FANCB: variants seen among roughly 807,000 people sequenced by gnomAD.
FANCB encodes the protein Fanconi anemia group B protein.
FANCB carries 5 observed loss-of-function variants against 38.9 expected under a neutral mutation model. The ratio of observed to expected loss-of-function variants is 0.13; its 90% CI spans 0.07 to 0.27. The LOEUF is 0.27. Among genes scored for constraint, FANCB ranks in the 10% least tolerant of loss-of-function variants. The probability of loss-of-function intolerance (pLI) is 1.00; values close to 1 mark genes in which losing one functional copy is unlikely to be tolerated. For synonymous variants in FANCB, 236 were observed against 215.4 expected, an observed-to-expected ratio of 1.10 and a Z score of -0.84; for missense variants, 573 against 602.7, an observed-to-expected ratio of 0.95 and a Z score of 0.52.
chrX:14,758,097 C>T, the FANCB span, among the ~76,000 whole-genome samples: 3 of 110,965 alleles, frequency 2.7e-5, no homozygotes, highest in Middle Eastern at 4.2e-3. Flanking sequence ...CCCCCATTTC[C>T]GCGGTACAGC....
intron 1 of FANCB, among the ~76,000 whole-genome samples, chrX:14,872,648 A>ACACCCCCC (rs1312480370): frequency 3.1e-5 from 1 of 32,672 alleles, no homozygotes; most frequent in Non-Finnish European, 5.8e-5. Context: ...CCCCCCACAC[A>ACACCCCCC]CACCCCCCCA....
the FANCB span, among the ~76,000 whole-genome samples, chrX:14,753,765 A>G: frequency 8.9e-6 from 1 of 111,768 alleles, no homozygotes; most frequent in African/African-American, 3.2e-5. Context: ...TTAATGTCCT[A>G]TTCGCCAAAG....
chrX:14,844,806 A>T (rs1569083396), intron 8 of FANCB, 50 bp downstream of exon 8: 3 of 1,159,161 alleles, frequency 2.6e-6, no homozygotes, highest in Non-Finnish European at 3.5e-6. Flanking sequence ...GAATTCTTAA[A>T]ATTTTCTAAT....
chrX:14,813,880 C>A, the FANCB span, among the ~76,000 whole-genome samples: 1 of 111,423 alleles, frequency 9.0e-6, no homozygotes, highest in Non-Finnish European at 1.9e-5. Flanking sequence ...CAATCCTAAG[C>A]CAAAAGAACA....
chrX:14,804,401 G>A, the FANCB span, among the ~76,000 whole-genome samples: 2 of 111,448 alleles, frequency 1.8e-5, no homozygotes, highest in African/African-American at 6.5e-5. Context: ...ACCAAACACC[G>A]CATGTTCTCA....
At chrX:14,795,798 G>T in the FANCB span, among the ~76,000 whole-genome samples, 2 of 111,846 alleles carry the variant, frequency 1.8e-5, no homozygotes, top group African/African-American at 6.5e-5. Context: ...AGCTGGAAAG[G>T]CAATTCTGAG....
chrX:14,701,562 C>T, the FANCB span, among the ~76,000 whole-genome samples: 11 of 110,160 alleles, frequency 1.0e-4, no homozygotes, highest in East Asian at 1.1e-3. Context: ...ATATGAATCA[C>T]GTGATGGTCC....
At chrX:14,815,819 A>G in the FANCB span, among the ~76,000 whole-genome samples, 1 of 112,419 alleles carries the variant, frequency 8.9e-6, no homozygotes, top group Admixed American at 9.4e-5. Flanking sequence ...ACCATGGAAT[A>G]CTACTCAGAC....
At chrX:14,796,541 T>A in the FANCB span, among the ~76,000 whole-genome samples, 20 of 98,826 alleles carry the variant, frequency 2.0e-4, no homozygotes, top group African/African-American at 6.9e-4. Context: ...ATTATATATG[T>A]TATATATAAT....
the FANCB span, among the ~76,000 whole-genome samples, chrX:14,795,107 G>A: frequency 1.8e-5 from 2 of 112,060 alleles, no homozygotes; most frequent in Non-Finnish European, 3.8e-5. Flanking sequence ...AGGCTGTCAA[G>A]TGGTCATTAG....
At chrX:14,849,099 A>G (rs2092389962) in intron 7 of FANCB, among the ~76,000 whole-genome samples, 2 of 112,081 alleles carry the variant, frequency 1.8e-5, no homozygotes, top group African/African-American at 6.5e-5. Context: ...ATTCATTTAT[A>G]AACTAGTATA....
chrX:14,863,721 C>T (rs1309127503), intron 3 of FANCB, among the ~76,000 whole-genome samples: 2 of 112,473 alleles, frequency 1.8e-5, no homozygotes, highest in African/African-American at 6.5e-5. Flanking sequence ...AAAAGTAATG[C>T]TTACCACTTG....
At chrX:14,831,233 C>A (rs1221945005), downstream of FANCB, among the ~76,000 whole-genome samples, 2 of 112,306 alleles carry the variant, frequency 1.8e-5, no homozygotes, top group Non-Finnish European at 3.8e-5. Flanking sequence ...ATGTGCAAAG[C>A]ATTATGTTAG....
the FANCB span, among the ~76,000 whole-genome samples, chrX:14,814,793 C>T: frequency 2.1e-4 from 23 of 111,865 alleles, no homozygotes; most frequent in Non-Finnish European, 4.0e-4. Flanking sequence ...CTAGAAATAC[C>T]ATTTGACCCA....
At chrX:14,869,610 A>G (rs1476314929) in intron 1 of FANCB, among the ~76,000 whole-genome samples, 1 of 111,982 alleles carries the variant, frequency 8.9e-6, no homozygotes, top group Non-Finnish European at 1.9e-5. Context: ...ACATCAGTTA[A>G]TTGTTCTAAA....
intron 2 of FANCB, among the ~76,000 whole-genome samples, chrX:14,868,597 G>A (rs1011990261): frequency 7.2e-5 from 8 of 111,132 alleles, no homozygotes; most frequent in Non-Finnish European, 1.3e-4. Flanking sequence ...GAGAGAGGAT[G>A]GGAGGATGGG....
the FANCB span, among the ~76,000 whole-genome samples, chrX:14,796,329 G>A: frequency 9.4e-6 from 1 of 106,548 alleles, no homozygotes; most frequent in Admixed American, 1.0e-4. Flanking sequence ...ATTAGTCAGA[G>A]TTCTCCAGAA....
chrX:14,693,833 C>T, the FANCB span, among the ~76,000 whole-genome samples: 1 of 111,624 alleles, frequency 9.0e-6, no homozygotes, highest in African/African-American at 3.2e-5. Flanking sequence ...TGAAATAATT[C>T]AGGAATCAAA....
the FANCB span, among the ~76,000 whole-genome samples, chrX:14,717,601 T>C: frequency 9.0e-6 from 1 of 111,196 alleles, no homozygotes; most frequent in Non-Finnish European, 1.9e-5. Flanking sequence ...GTCATAGAGT[T>C]GTATATAGTT....
Sources: gnomAD v4.1 joint callset for allele counts (sites outside exome capture counted in the v4.1 genomes callset) on GRCh38, gnomAD v4.1.1 for gene constraint, MANE v1.5 for transcripts, NCBI Gene and HGNC (gene_info 2026-07-23, HGNC 2026-07-21) for gene names.